Variants in IMPA2 observed in about 807,000 individuals in gnomAD.
The protein encoded by IMPA2 is inositol monophosphatase 2, also known as IMP 2.
IMPA2 carries 32 observed loss-of-function variants against 35.1 expected under a neutral mutation model. The observed-to-expected ratio is 0.91, with a 90% CI of 0.69 to 1.23. IMPA2 has a LOEUF of 1.23. Among genes scored for constraint, IMPA2 ranks in the 50% most tolerant of loss-of-function variants. IMPA2 has a pLI of 0.00. For missense variants in IMPA2, 334 were observed against 387.6 expected (o/e 0.86, Z 1.16); for synonymous variants, 135 against 160.6 (o/e 0.84, Z 1.20).
intron 1 of IMPA2, among the ~76,000 whole-genome samples, chr18:11,985,147 C>CA (rs60194371): frequency 0.023 from 1,829 of 79,984 alleles, 39 homozygotes; most frequent in African/African-American, 0.047. Flanking sequence ...AACTCTGTCT[C>CA]AAAAAAAAAA....
Position 11,999,328 on chromosome 18 carries a change from A to G in IMPA2, c.230+141A>G. 6 of 661,318 alleles carry G rather than the reference A, an allele frequency of 9.1e-6. No individual in the cohort carries two copies. In the South Asian group the frequency reaches 1.4e-4, roughly 15 times the overall value. 41.0% of individuals were successfully genotyped at this position (661,318 alleles called of 1,614,324 possible). A position where few individuals can be genotyped will look rare whatever the true frequency, so the allele number is the denominator to read the frequency against. Reference sequence around the variant, plus strand: ...CCTAAGCCACGCAGCCTAACCTGCGATTTGTCAGTTACTTAGTAAGCAAAC... The same window carrying G: ...CCTAAGCCACGCAGCCTAACCTGCGGTTTGTCAGTTACTTAGTAAGCAAAC... On this transcript the variant is annotated intron_variant, in intron 2 of 7. Coordinates refer to ENST00000269159, the MANE Select transcript of IMPA2 (RefSeq NM_014214.3).
intron 5 of IMPA2, among the ~76,000 whole-genome samples, chr18:12,025,459 A>T (rs1053331612): frequency 4.6e-5 from 7 of 152,200 alleles, no homozygotes; most frequent in Non-Finnish European, 8.8e-5. Context: ...CTATCCTCCA[A>T]AGCAGATGCA....
chr18:12,027,296 A>T, intron 5 of IMPA2, among the ~76,000 whole-genome samples: 1 of 152,214 alleles, frequency 6.6e-6, no homozygotes, highest in Non-Finnish European at 1.5e-5. Flanking sequence ...GCCCTGAGCC[A>T]GGCTTGCCAG....
At chr18:12,021,788 G>A (rs1478466455) in intron 5 of IMPA2, 3 of 152,158 alleles carry the variant, frequency 2.0e-5, no homozygotes, top group African/African-American at 7.2e-5. Flanking sequence ...AAAGTGCTGG[G>A]ATTACAGGCA....
At position 12,007,666 on chromosome 18, in the gene IMPA2, TCTTTCTTTCTTTC is replaced by T. The variant is rs1489758149; in HGVS notation, c.231-2207_231-2195del. Among the ~76,000 whole-genome samples, 929 of 133,062 alleles carry T rather than the reference TCTTTCTTTCTTTC, an allele frequency of 7.0e-3. 16 individuals are homozygous for T. Among genetic ancestry groups the T allele is most frequent in the African/African-American group, 0.026 (878 of 33,546 alleles). The allele number at this position is 133,062 out of a possible 152,430, so 87.3% of individuals were successfully genotyped here. Reference sequence around the variant, plus strand: ...TTCTTTCTTTCTTTCTTTCTTTCTTTCTTTCTTTCTTTCCTTTCTTTCCTTTCTTTCCTTTCTT... The same window carrying T: ...TTCTTTCTTTCTTTCTTTCTTTCTTTCTTTCTTTCCTTTCTTTCCTTTCTT... On this transcript the variant is annotated intron_variant, in intron 2 of 7. Coordinates refer to ENST00000269159, the MANE Select transcript of IMPA2 (RefSeq NM_014214.3).
chr18:12,009,653 G>T lies in IMPA2; in HGVS notation c.231-230G>T, dbSNP rs181138844. Among the ~76,000 whole-genome samples, 1,059 of 152,204 alleles carry T rather than the reference G, an allele frequency of 7.0e-3. 8 individuals carry two copies. The highest frequency in any genetic ancestry group is 0.011 in the South Asian group (51 of 4,816). Reference sequence around the variant, plus strand: ...GAATTCCCTGGTGCTCTTTCTGAACGCTGGCACTGAGGTGTCACTCTGTTT... The same window carrying T: ...GAATTCCCTGGTGCTCTTTCTGAACTCTGGCACTGAGGTGTCACTCTGTTT... On this transcript the variant is annotated intron_variant, in intron 2 of 7. Transcript: ENST00000269159.
rs1316939871 is a variant in IMPA2, at chr18:12,007,657, TTCTTTCTTTC to T, written c.231-2224_231-2215del. Among the ~76,000 whole-genome samples the T allele has an allele frequency of 2.9e-4, 40 of 137,242 alleles. 1 individual carries two copies. Among genetic ancestry groups the T allele is most frequent in the Middle Eastern group, 7.1e-3 (2 of 280 alleles). 90.0% of individuals were successfully genotyped at this position (137,242 alleles called of 152,430 possible). ...TTTCTTTCTTTCTTTCTTTCTTTCT[TTCTTTCTTTC>T]TTTCTTTCTTTCCTTTCTTTCCTTT... On this transcript the variant is annotated intron_variant, in intron 2 of 7. Transcript: ENST00000269159.
rs527719171 is a variant in IMPA2, at chr18:11,997,629, T to C, written c.97-1425T>C. 2.0e-5 allele frequency among the ~76,000 whole-genome samples: 3 copies of C among 152,244 alleles called. No homozygotes were observed. In the South Asian group the frequency reaches 6.2e-4, roughly 32 times the overall value. On this transcript the variant is annotated intron_variant, in intron 1 of 7. Transcript: ENST00000269159. ...GCTGAGTTTCGGGGGCTCCTGCCTG[T>C]TCTGTAGAATTCCCCGTGTGCTTCT... is the stretch of plus-strand genomic sequence containing the variant.
At chr18:11,992,112 G>A (rs561304462) in intron 1 of IMPA2, among the ~76,000 whole-genome samples, 1 of 152,240 alleles carries the variant, frequency 6.6e-6, no homozygotes, top group South Asian at 2.1e-4. Context: ...CCAGTGCTGG[G>A]ATTACAGGCA....
chr18:12,029,128 T>G (rs1218748334), intron 7 of IMPA2, 135 bp downstream of exon 7: 1 of 884,602 alleles, frequency 1.1e-6, no homozygotes, highest in Middle Eastern at 2.4e-4. Flanking sequence ...TTTTTTTTTT[T>G]TTTTTGAGAC....
At chr18:11,981,879 A>G in intron 1 of IMPA2, 114 bp downstream of exon 1, 2 of 603,032 alleles carry the variant, frequency 3.3e-6, no homozygotes, top group South Asian at 1.7e-4. Flanking sequence ...CAGGGTCCGC[A>G]CCCGAGGGCG....
chr18:11,995,495 G>A lies in IMPA2; in HGVS notation c.97-3559G>A, dbSNP rs1428287733. On this transcript the variant is annotated intron_variant, in intron 1 of 7. Transcript: ENST00000269159. ...TAAAAGGAAGAAGGGGAGACTGGAC[G>A]TTTGGGGTCAAATGGTCTCTGCTAC... Among the ~76,000 whole-genome samples, 3 of 152,258 alleles carry A rather than the reference G, an allele frequency of 2.0e-5. No homozygotes were observed. In the East Asian group the frequency reaches 5.8e-4, roughly 29 times the overall value.
At chr18:12,003,217 T>A (rs1277076940) in intron 2 of IMPA2, among the ~76,000 whole-genome samples, 2 of 151,480 alleles carry the variant, frequency 1.3e-5, no homozygotes, top group East Asian at 3.9e-4. Flanking sequence ...AATAAATAAA[T>A]AAAATTGCTT....
At chr18:11,989,448 A>G (rs1906752809) in intron 1 of IMPA2, among the ~76,000 whole-genome samples, 1 of 152,218 alleles carries the variant, frequency 6.6e-6, no homozygotes, top group Non-Finnish European at 1.5e-5. Flanking sequence ...CAACATTTCA[A>G]ACATCAGCAG....
intron 5 of IMPA2, among the ~76,000 whole-genome samples, chr18:12,016,239 G>T (rs1907574877): frequency 6.6e-6 from 1 of 152,168 alleles, no homozygotes; most frequent in African/African-American, 2.4e-5. Context: ...CCATATGGGA[G>T]AAAGGCCAAA....
Position 12,010,014 on chromosome 18 carries a change from T to G in IMPA2, c.335+27T>G, listed in dbSNP as rs1452330570. The G allele has an allele frequency of 2.6e-6, 4 of 1,542,260 alleles. No homozygotes were observed. Among genetic ancestry groups the G allele is most frequent in the Non-Finnish European group, 3.6e-6 (4 of 1,116,192 alleles). The stretch of plus-strand genomic sequence containing the variant: ...TGAGCTGAGCAGGGATCGCCTCCAT[T>G]GCAGGGCTTAACATGTCCTCTTCTG... On this transcript the variant is annotated intron_variant, in intron 3 of 7. Transcript: ENST00000269159. The surrounding 1 kb of genome is among the most constrained non-coding windows in gnomAD (Gnocchi z 4.8).
At chr18:12,012,322 CTTAATCATGACTGGCAAA>C (rs1339174689) in intron 4 of IMPA2, 107 bp downstream of exon 4, 31 of 915,136 alleles carry the variant, frequency 3.4e-5, no homozygotes, top group Non-Finnish European at 5.4e-5. Context: ...TGCCCTGTGC[CTTAATCATGACTGGCAAA>C]TCCAAGCCTG....
At chr18:12,016,003 T>A (rs538666468) in intron 5 of IMPA2, among the ~76,000 whole-genome samples, 12 of 152,356 alleles carry the variant, frequency 7.9e-5, no homozygotes, top group Middle Eastern at 3.4e-3. Context: ...AAGGGCTTTG[T>A]CCAGGGCCCC....
rs1907317287 is a variant in IMPA2 at position 12,007,746 on chromosome 18, T to C, written c.231-2137T>C. 2.0e-5 allele frequency among the ~76,000 whole-genome samples: 3 copies of C among 149,708 alleles called. No individual in the cohort carries two copies. In the Admixed American group the frequency reaches 2.0e-4, roughly 10 times the overall value. ...TATTTCTCTCTCTCTCCTTCCTTCC[T>C]TCCCTTCCTTCTTTCTTTTCTTTTT... On this transcript the variant is annotated intron_variant, in intron 2 of 7. Coordinates refer to ENST00000269159, the MANE Select transcript of IMPA2 (RefSeq NM_014214.3).
Sources: gnomAD v4.1 joint callset for allele counts (sites outside exome capture counted in the v4.1 genomes callset) on GRCh38, gnomAD v4.1.1 for gene constraint, Gnocchi (gnomAD v3.1) non-coding constraint, MANE v1.5 for transcripts, NCBI Gene and HGNC (gene_info 2026-07-23, HGNC 2026-07-21) for gene names.